CADPS2: variants seen among roughly 807,000 people sequenced by gnomAD.
CADPS2 encodes calcium dependent secretion activator 2.
Under a neutral mutation model 172.5 loss-of-function variants are expected in CADPS2, and 93 were observed. The ratio of observed to expected loss-of-function variants is 0.54; its 90% confidence interval spans 0.46 to 0.64. The LOEUF is 0.64. CADPS2 is among the 30% of genes least tolerant of loss of function. The pLI is 0.00. For missense variants in CADPS2, 1,420 were observed against 1,565.9 expected, an observed-to-expected ratio of 0.91 and a Z score of 1.57; for synonymous variants, 546 against 555.2, an observed-to-expected ratio of 0.98 and a Z score of 0.23.
chr7:122,886,295 G>T lies in CADPS2; in HGVS notation c.43C>A (p.Leu15Met). 6.6e-7 allele frequency: 1 copy of T among 1,504,622 alleles called. No homozygotes were observed. Among genetic ancestry groups the T allele is most frequent in the South Asian group, 1.2e-5 (1 of 81,068 alleles). 93.2% of individuals were successfully genotyped at this position (1,504,622 alleles called of 1,614,324 possible). A position where few individuals can be genotyped will look rare whatever the true frequency, so the allele number is the denominator to read the frequency against. Residue 15 changes from leucine (L) to methionine (M), a missense_variant, in exon 1 of 30, where the codon CTG becomes ATG. By Grantham distance (15) the Leu-to-Met change is conservative (BLOSUM62 2). Coordinates refer to ENST00000449022, the MANE Select transcript of CADPS2 (RefSeq NM_017954.11). The part of the protein sequence containing the change: ...SSSEEESDEG[L>M]EEESRDVLVA... ...AGCACATCGCGGCTTTCCTCTTCCA[G>T]CCCCTCGTCCGACTCCTCTTCGCTG...
intron 25 of CADPS2, among the ~76,000 whole-genome samples, chr7:122,376,389 T>C (rs1341173068): frequency 6.6e-6 from 1 of 152,132 alleles, no homozygotes; most frequent in African/African-American, 2.4e-5. Flanking sequence ...GAAATATTAT[T>C]CAGCCTCAAA....
At chr7:122,669,582 G>A (rs1228770623) in intron 2 of CADPS2, among the ~76,000 whole-genome samples, 1 of 151,830 alleles carries the variant, frequency 6.6e-6, no homozygotes, top group Admixed American at 6.6e-5. Context: ...GGGAGGAAGA[G>A]TAACGATCTG....
chr7:122,727,782 A>T lies in CADPS2; in HGVS notation c.453+9173T>A, dbSNP rs2091256681. On this transcript the variant is annotated intron_variant, in intron 2 of 29. Transcript: ENST00000449022. ...TTGTATACAACAATAGGAATCTCAG[A>T]CATGAAAACACATTGTGCAAATTCT... Among the ~76,000 whole-genome samples the T allele has an allele frequency of 2.0e-5, 3 of 151,952 alleles. 1 individual carries two copies. In the South Asian group the frequency reaches 6.2e-4, roughly 31 times the overall value.
intron 1 of CADPS2, among the ~76,000 whole-genome samples, chr7:122,780,725 C>G (rs940444300): frequency 6.6e-6 from 1 of 152,140 alleles, no homozygotes; most frequent in Non-Finnish European, 1.5e-5. Context: ...CCCAGCTGGT[C>G]TCTAACTCCT....
intron 1 of CADPS2, among the ~76,000 whole-genome samples, chr7:122,861,415 T>G: frequency 6.6e-6 from 1 of 152,352 alleles, no homozygotes; most frequent in Admixed American, 6.5e-5. Context: ...TTGAGAAATG[T>G]CTATTCAGAT....
chr7:122,615,699 T>G (rs898833266), intron 5 of CADPS2, among the ~76,000 whole-genome samples: 3 of 152,030 alleles, frequency 2.0e-5, no homozygotes, highest in African/African-American at 4.8e-5. Context: ...TATAAAATAA[T>G]ATAGTATATA....
intron 2 of CADPS2, among the ~76,000 whole-genome samples, chr7:122,711,905 C>T (rs2088806412): frequency 1.3e-5 from 2 of 152,052 alleles, no homozygotes; most frequent in African/African-American, 4.8e-5. Context: ...CCTGCCTCAG[C>T]CTCTCAAAGT....
chr7:122,479,394 C>T (rs1416101436), intron 12 of CADPS2, among the ~76,000 whole-genome samples: 1 of 152,108 alleles, frequency 6.6e-6, no homozygotes, highest in Non-Finnish European at 1.5e-5. Context: ...AAAGTAGGTG[C>T]CACTTCTCTT....
intron 24 of CADPS2, among the ~76,000 whole-genome samples, chr7:122,382,725 G>T (rs2043170947): frequency 6.6e-6 from 1 of 152,032 alleles, no homozygotes; most frequent in South Asian, 2.1e-4. Context: ...AAGTCAAGGT[G>T]GGAGGATCGC....
intron 1 of CADPS2, among the ~76,000 whole-genome samples, chr7:122,768,863 T>C (rs1442974566): frequency 6.6e-6 from 1 of 151,006 alleles, no homozygotes; most frequent in African/African-American, 2.4e-5. Flanking sequence ...AAAACACAAA[T>C]GAAGAATGAC....
chr7:122,334,038 A>G (rs975709611), intron 28 of CADPS2, among the ~76,000 whole-genome samples: 2 of 152,202 alleles, frequency 1.3e-5, no homozygotes. Flanking sequence ...AAGCTGTAGA[A>G]ATCATTGAAA....
At chr7:122,882,156 T>C (rs1823084987) in intron 1 of CADPS2, among the ~76,000 whole-genome samples, 1 of 152,196 alleles carries the variant, frequency 6.6e-6, no homozygotes, top group South Asian at 2.1e-4. Context: ...TCCAGATCAA[T>C]TTTACCTGTT....
At chr7:122,595,446 T>A (rs2071610857) in intron 6 of CADPS2, among the ~76,000 whole-genome samples, 1 of 152,108 alleles carries the variant, frequency 6.6e-6, no homozygotes, top group Non-Finnish European at 1.5e-5. Flanking sequence ...TTACATTTTC[T>A]TAATTTGAAG....
chr7:122,709,846 G>A (rs1056108692), intron 2 of CADPS2, among the ~76,000 whole-genome samples: 12 of 151,784 alleles, frequency 7.9e-5, no homozygotes, highest in Admixed American at 2.0e-4. Context: ...TCATAGATGG[G>A]AATTGAACAA....
intron 28 of CADPS2, among the ~76,000 whole-genome samples, chr7:122,340,855 T>TTA (rs2036664842): frequency 7.3e-6 from 1 of 137,800 alleles, no homozygotes; most frequent in Non-Finnish European, 1.6e-5. Context: ...CCTTATGTGT[T>TTA]AAAAAAAAAA....
chr7:122,687,462 C>G (rs541258896), intron 2 of CADPS2, among the ~76,000 whole-genome samples: 2 of 152,194 alleles, frequency 1.3e-5, no homozygotes, highest in Non-Finnish European at 2.9e-5. Flanking sequence ...GGAACCAGAA[C>G]AAGTTCAAAT....
rs370698529 is a variant in CADPS2, at chr7:122,407,624, C to A, written c.2662G>T (p.Asp888Tyr). ...KFWALFTVDM[D>Y]TALEAQPQDS... ...TGCGGTTGAGCCTCTAGTGCAGTGT[C>A]CATATCCACTGTAAATAAAGCCCAA... The change falls in exon 20 of 30, where the codon GAC (aspartate) becomes TAC (tyrosine). Residue 888 changes from aspartate (D) to tyrosine (Y), a missense_variant. Asp to Tyr is a radical substitution (Grantham distance 160, BLOSUM62 -3). Coordinates refer to ENST00000449022, the MANE Select transcript of CADPS2 (RefSeq NM_017954.11). 2.0e-5 allele frequency: 33 copies of A among 1,611,628 alleles called. No homozygotes were observed. Among genetic ancestry groups the A allele is most frequent in the African/African-American group, 1.3e-5 (1 of 74,880 alleles).
intron 1 of CADPS2, among the ~76,000 whole-genome samples, chr7:122,820,542 G>GT (rs1286462243): frequency 8.5e-6 from 1 of 117,802 alleles, no homozygotes; most frequent in African/African-American, 3.6e-5. Context: ...TGACCTTACT[G>GT]TTTTTTGTTT....
intron 3 of CADPS2, among the ~76,000 whole-genome samples, chr7:122,640,059 C>T (rs550545780): frequency 6.6e-6 from 1 of 152,126 alleles, no homozygotes; most frequent in Non-Finnish European, 1.5e-5. Flanking sequence ...AGCTCCGTAC[C>T]CCGATCATTC....
Sources: gnomAD v4.1 joint callset for allele counts (sites outside exome capture counted in the v4.1 genomes callset) on GRCh38, gnomAD v4.1.1 for gene constraint, MANE v1.5 for transcripts, NCBI Gene and HGNC (gene_info 2026-07-23, HGNC 2026-07-21) for gene names.